OGDHL: variants seen among roughly 807,000 people sequenced by gnomAD.
The protein encoded by OGDHL is oxoglutarate dehydrogenase L.
A neutral mutation model predicts 109.6 loss-of-function variants in OGDHL; 79 were observed. The ratio of observed to expected loss-of-function variants is 0.72; its 90% CI spans 0.60 to 0.87. The LOEUF is 0.87. Among genes scored for constraint, OGDHL ranks in the 40% least tolerant of loss-of-function variants. The pLI, the probability that OGDHL is intolerant of heterozygous loss-of-function variation, is 0.00. For missense variants in OGDHL, 1,275 were observed against 1,362.2 expected (o/e 0.94, Z 1.01); for synonymous variants, 528 against 537.2 (o/e 0.98, Z 0.24).
At chr10:49,750,731 C>T in intron 7 of OGDHL, 108 bp downstream of exon 7, 4 of 1,389,820 alleles carry the variant, frequency 2.9e-6, no homozygotes, top group African/African-American at 1.4e-5. Flanking sequence ...CCCACCTCTA[C>T]CCCCAGGTCC....
At position 49,752,669 on chromosome 10, in the gene OGDHL, G is replaced by A; in HGVS notation, c.447C>T (p.Pro149=). The A allele has an allele frequency of 1.2e-6, 2 of 1,614,200 alleles. No homozygotes were observed. The highest frequency in any genetic ancestry group is 8.5e-7 in the Non-Finnish European group (1 of 1,180,030). ...ILDADLDSFV[P]SDLITTIDKL... Reference sequence around the variant, plus strand: ...TATCAATGGTTGTGATCAAGTCTGAGGGCACAAAGGAGTCCAGGTCTGCAT... The same window carrying A: ...TATCAATGGTTGTGATCAAGTCTGAAGGCACAAAGGAGTCCAGGTCTGCAT... Residue 149 remains proline (P), a synonymous_variant, in exon 4 of 23, where the codon CCC becomes CCT. Transcript: ENST00000374103.
chr10:49,757,019 C>T (rs1588804945), intron 2 of OGDHL, 73 bp from the exon 3 acceptor site: 6 of 1,502,214 alleles, frequency 4.0e-6, no homozygotes, highest in Non-Finnish European at 4.5e-6. Flanking sequence ...AGGCTGGGGC[C>T]CCAAGGAGTG....
chr10:49,756,130 C>T (rs1265015134), intron 3 of OGDHL, among the ~76,000 whole-genome samples: 1 of 152,266 alleles, frequency 6.6e-6, no homozygotes, highest in Non-Finnish European at 1.5e-5. Context: ...TGGCTTGCTG[C>T]TGCCTCACAT....
chr10:49,742,423 CACACCACACATACA>C (rs1841818894), intron 15 of OGDHL, among the ~76,000 whole-genome samples: 1 of 390 alleles, frequency 2.6e-3, no homozygotes, highest in Non-Finnish European at 5.4e-3. Flanking sequence ...TACACACATA[CACACCACACATACA>C]ACAAACACAC....
At chr10:49,735,783 G>C (rs904166434) in intron 22 of OGDHL, among the ~76,000 whole-genome samples, 1 of 152,186 alleles carries the variant, frequency 6.6e-6, no homozygotes, top group African/African-American at 2.4e-5. Flanking sequence ...AGGGACTAAG[G>C]CTCCAAGGAC....
chr10:49,747,970 C>G (rs1051183584), intron 8 of OGDHL, among the ~76,000 whole-genome samples: 2 of 152,210 alleles, frequency 1.3e-5, no homozygotes, highest in African/African-American at 4.8e-5. Context: ...ACAAAATCCT[C>G]TTTTGAACCT....
intron 16 of OGDHL, 42 bp downstream of exon 16, chr10:49,740,668 G>A (rs751283215): frequency 1.9e-6 from 3 of 1,596,108 alleles, no homozygotes; most frequent in Admixed American, 3.4e-5. Context: ...TTGTCCCCAG[G>A]TGTCTGGGGC....
chr10:49,761,650 C>A (rs1334357236), intron 1 of OGDHL, among the ~76,000 whole-genome samples: 1 of 152,210 alleles, frequency 6.6e-6, no homozygotes, highest in Non-Finnish European at 1.5e-5. Flanking sequence ...TCGGCGAATG[C>A]GTACTGCAGC....
intron 3 of OGDHL, among the ~76,000 whole-genome samples, chr10:49,756,218 C>T (rs1435739693): frequency 6.6e-6 from 1 of 152,234 alleles, no homozygotes; most frequent in Non-Finnish European, 1.5e-5. Flanking sequence ...CTGAACACCG[C>T]AGCAGTCCTC....
Position 49,756,769 on chromosome 10 carries a change from C to T in OGDHL, c.375+7G>A, listed in dbSNP as rs376393665. ...GCCTCCCAGGCTGTGCCTCAGCTGC[C>T]CCTCACCTGGTAGGCCCGGATCAGG... On this transcript the variant is annotated splice_region_variant and intron_variant, in intron 3 of 22. Coordinates refer to ENST00000374103, the MANE Select transcript of OGDHL (RefSeq NM_018245.3). 105 of 1,610,680 alleles carry T rather than the reference C, an allele frequency of 6.5e-5. No homozygotes were observed. The African/African-American group carries it at 1.3e-3, about 19-fold the overall frequency.
At chr10:49,736,856 C>T (rs1463349981) in intron 20 of OGDHL, among the ~76,000 whole-genome samples, 1 of 152,132 alleles carries the variant, frequency 6.6e-6, no homozygotes, top group African/African-American at 2.4e-5. Context: ...TTGCTTCTGC[C>T]CAGCTGCGCC....
intron 1 of OGDHL, 80 bp from the exon 2 acceptor site, chr10:49,758,673 T>C: frequency 7.3e-7 from 1 of 1,374,596 alleles, no homozygotes; most frequent in Non-Finnish European, 1.0e-6. Flanking sequence ...TGTCCGCTCA[T>C]CAGCACTTGT....
chr10:49,736,442 C>A lies in OGDHL; in HGVS notation c.2669G>T (p.Cys890Phe), dbSNP rs747277727. ...APEQVQRLIF[C>F]TGKVYYDLVK... is the part of the protein sequence containing the mutation. ...CAGGTCATAGTACACCTTTCCCGTG[C>A]AGAAGATGAGCCGCTGCACCTGCTC... Residue 890 changes from cysteine to phenylalanine, a missense_variant, in exon 21 of 23, where the codon TGC (cysteine) becomes TTC (phenylalanine). Transcript: ENST00000374103. 1.1e-5 allele frequency: 18 copies of A among 1,613,966 alleles called. No homozygotes were observed. The highest frequency in any genetic ancestry group is 9.3e-6 in the Non-Finnish European group (11 of 1,180,032).
chr10:49,739,922 A>G lies in OGDHL; in HGVS notation c.2141-83T>C, dbSNP rs974215680. On this transcript the variant is annotated intron_variant, in intron 16 of 22. Coordinates refer to ENST00000374103, the MANE Select transcript of OGDHL (RefSeq NM_018245.3). ...AGTCAAATTTAGCCTTTCTCAGTAT[A>G]TCCTCCATGCCCCCACCCATCCTTC... 3 of 1,383,006 alleles carry G rather than the reference A, an allele frequency of 2.2e-6. No individual in the cohort carries two copies. In the African/African-American group the frequency reaches 4.3e-5, roughly 20 times the overall value. 85.7% of individuals were successfully genotyped at this position (1,383,006 alleles called of 1,614,324 possible). A position where few individuals can be genotyped will look rare whatever the true frequency, so the allele number is the denominator to read the frequency against.
intron 7 of OGDHL, among the ~76,000 whole-genome samples, chr10:49,750,304 T>TC (rs1842497502): frequency 1.3e-5 from 2 of 151,910 alleles, no homozygotes; most frequent in South Asian, 4.2e-4. Flanking sequence ...CAGGGTGCAT[T>TC]CCCCCTCCTG....
At position 49,737,882 on chromosome 10, in the gene OGDHL, C is replaced by T. The variant is rs371865787; in HGVS notation, c.2518-24G>A. 26 of 1,614,084 alleles carry T rather than the reference C, an allele frequency of 1.6e-5. 2 individuals are homozygous for T. In the South Asian group the frequency reaches 2.7e-4, roughly 17 times the overall value. On this transcript the variant is annotated intron_variant, in intron 19 of 22. Transcript: ENST00000374103. The stretch of plus-strand genomic sequence containing the variant: ...AGCTGGAAGGGAAATACACGCCCAG[C>T]TGCCAGCTGGCCCTGCCTGGCCAGG...
Position 49,736,087 on chromosome 10 carries a change from T to C in OGDHL, c.2845A>G (p.Met949Val), listed in dbSNP as rs1274409388. Residue 949 changes from methionine (M) to valine (V), a missense_variant, in exon 22 of 23, where the codon ATG becomes GTG. Physicochemically the swap from Met to Val is conservative, Grantham distance 21. Coordinates refer to ENST00000374103, the MANE Select transcript of OGDHL (RefSeq NM_018245.3). ...GGGCTGATGTAGTCATAGTAGCCCA[T>C]GTTCTTGTGCTCCTCCTGACACCAG... is the stretch of plus-strand genomic sequence containing the variant. ...LAWCQEEHKN[M>V]GYYDYISPRF... The C allele has an allele frequency of 4.8e-5, 78 of 1,612,070 alleles. No individual in the cohort carries two copies. The highest frequency in any genetic ancestry group is 6.5e-5 in the Non-Finnish European group (77 of 1,179,024).
At chr10:49,742,719 G>C in intron 15 of OGDHL, 109 bp downstream of exon 15, 1 of 1,375,660 alleles carries the variant, frequency 7.3e-7, no homozygotes, top group Non-Finnish European at 9.8e-7. Flanking sequence ...GCAGGGGCTA[G>C]GGATGCTGTG....
chr10:49,758,718 G>A, intron 1 of OGDHL, 125 bp from the exon 2 acceptor site: 1 of 945,134 alleles, frequency 1.1e-6, no homozygotes, highest in Non-Finnish European at 1.6e-6. Context: ...GGGCTAGGCA[G>A]TGATGAGACT....
Sources: allele counts gnomAD v4.1 joint callset (sites outside exome capture counted in the v4.1 genomes callset), GRCh38; gene constraint gnomAD v4.1.1; transcripts MANE v1.5; gene names NCBI Gene and HGNC (gene_info 2026-07-23, HGNC 2026-07-21).